The following LSAMP variants were observed in gnomAD, a reference collection of about 807,000 sequenced individuals.
The protein encoded by LSAMP is limbic system-associated membrane protein.
LSAMP carries 7 observed loss-of-function variants against 38.6 expected under a neutral mutation model. The ratio of observed to expected loss-of-function variants is 0.18; its 90% CI spans 0.10 to 0.34. The LOEUF (loss-of-function observed/expected upper bound fraction) is 0.34, where lower values mean the gene tolerates loss of function less well. Ranked by LOEUF, LSAMP falls within the 10% of genes least tolerant of loss-of-function variation. The probability of loss-of-function intolerance (pLI) is 1.00; values close to 1 mark genes in which losing one functional copy is unlikely to be tolerated. For synonymous variants in LSAMP, 154 were observed against 166.8 expected (o/e 0.92, Z 0.59); for missense variants, 313 against 420.0 (o/e 0.75, Z 2.23).
At chr3:116,225,738 A>T (rs998601254) in intron 1 of LSAMP, among the ~76,000 whole-genome samples, 1 of 147,666 alleles carries the variant, frequency 6.8e-6, no homozygotes, top group African/African-American at 2.5e-5. Context: ...ATATTTGGGT[A>T]TTTAGTATAT....
chr3:116,154,748 G>T (rs1320768123), intron 1 of LSAMP, among the ~76,000 whole-genome samples: 1 of 152,046 alleles, frequency 6.6e-6, no homozygotes, highest in African/African-American at 2.4e-5. Context: ...TAACCTCAAA[G>T]AGGTCTCCAA....
intron 1 of LSAMP, among the ~76,000 whole-genome samples, chr3:116,259,631 G>T (rs1463429457): frequency 6.6e-6 from 1 of 152,178 alleles, no homozygotes; most frequent in East Asian, 1.9e-4. Context: ...TAACTTAGAA[G>T]GCACTACATA....
intron 1 of LSAMP, among the ~76,000 whole-genome samples, chr3:116,407,437 T>C (rs1410432346): frequency 1.3e-5 from 2 of 152,068 alleles, no homozygotes; most frequent in Non-Finnish European, 1.5e-5. Flanking sequence ...TCAATAGTAG[T>C]AAGGTTTTAA....
chr3:115,967,405 G>C (rs1938853134), intron 3 of LSAMP, among the ~76,000 whole-genome samples: 1 of 152,120 alleles, frequency 6.6e-6, no homozygotes, highest in Admixed American at 6.5e-5. Flanking sequence ...TTTGGTCAAA[G>C]CCATTTGACA....
In LSAMP at chr3:116,109,096, C is replaced by G. The variant is rs561789220; in HGVS notation, c.156-22540G>C. Among the ~76,000 whole-genome samples the G allele has an allele frequency of 3.3e-5, 5 of 152,240 alleles. No homozygotes were observed. In the East Asian group the frequency reaches 7.8e-4, roughly 24 times the overall value. On this transcript the variant is annotated intron_variant, in intron 1 of 6. Transcript: ENST00000490035. Reference sequence around the variant, plus strand: ...AAAGCATCTCAGGGTTGCTGCCAAACGAGTCATGAACTGGGCTGGGTTTTT... The same window carrying G: ...AAAGCATCTCAGGGTTGCTGCCAAAGGAGTCATGAACTGGGCTGGGTTTTT...
chr3:116,233,556 T>C (rs1000503975), intron 1 of LSAMP, among the ~76,000 whole-genome samples: 1 of 151,762 alleles, frequency 6.6e-6, no homozygotes, highest in Admixed American at 6.6e-5. Flanking sequence ...CACCAAACAC[T>C]AGCTCTTATT....
At chr3:116,246,248 T>C (rs2046604050) in intron 1 of LSAMP, among the ~76,000 whole-genome samples, 1 of 152,202 alleles carries the variant, frequency 6.6e-6, no homozygotes, top group Non-Finnish European at 1.5e-5. Flanking sequence ...TTTTTCTTTC[T>C]ATGTTTTCAA....
At chr3:116,009,512 A>C (rs146699420) in intron 3 of LSAMP, among the ~76,000 whole-genome samples, 1 of 152,298 alleles carries the variant, frequency 6.6e-6, no homozygotes, top group East Asian at 1.9e-4. Flanking sequence ...AAATTCACAA[A>C]AGAGATAATT....
At chr3:116,042,955 A>T (rs1407588602) in intron 2 of LSAMP, among the ~76,000 whole-genome samples, 7 of 152,024 alleles carry the variant, frequency 4.6e-5, no homozygotes, top group Admixed American at 1.3e-4. Flanking sequence ...TCTATCCCTG[A>T]TCTGTTTGGA....
In LSAMP at chr3:115,813,170, ATAT is replaced by A. The variant is rs540640291; in HGVS notation, c.920-2759_920-2757del. Among the ~76,000 whole-genome samples the A allele has an allele frequency of 1.1e-3, 164 of 152,202 alleles. 1 individual carries two copies. The highest frequency in any genetic ancestry group is 3.7e-3 in the African/African-American group (155 of 41,552). Reference sequence around the variant, plus strand: ...ATAATCTTTAATTTTATCCTTCATAATATTATTATATACAGTCATATGCTACAT... The same window carrying A: ...ATAATCTTTAATTTTATCCTTCATAATATTATATACAGTCATATGCTACAT... On this transcript the variant is annotated intron_variant, in intron 6 of 6. Transcript: ENST00000490035.
chr3:115,851,745 T>C (rs1576147854), intron 4 of LSAMP, among the ~76,000 whole-genome samples: 1 of 152,200 alleles, frequency 6.6e-6, no homozygotes, highest in Admixed American at 6.5e-5. Context: ...GAACTTGAAT[T>C]TGAATGATGC....
intron 3 of LSAMP, among the ~76,000 whole-genome samples, chr3:115,861,843 G>A: frequency 6.9e-6 from 1 of 144,122 alleles, no homozygotes; most frequent in African/African-American, 2.7e-5. Context: ...ATTTAAATTT[G>A]TAATCTACAC....
chr3:115,901,428 A>G (rs7619207), intron 3 of LSAMP, among the ~76,000 whole-genome samples: 29,621 of 152,024 alleles, frequency 0.19, 3,215 homozygotes, highest in African/African-American at 0.29. Flanking sequence ...TCAAGTCCAG[A>G]TTACAGATAC....
At chr3:115,979,327 C>T (rs1939288958) in intron 3 of LSAMP, among the ~76,000 whole-genome samples, 2 of 151,954 alleles carry the variant, frequency 1.3e-5, no homozygotes, top group African/African-American at 2.4e-5. Flanking sequence ...GGTGAAAAGG[C>T]CCAGTCTAAG....
At chr3:116,202,051 C>T (rs2045994186) in intron 1 of LSAMP, among the ~76,000 whole-genome samples, 1 of 152,102 alleles carries the variant, frequency 6.6e-6, no homozygotes, top group South Asian at 2.1e-4. Flanking sequence ...TCCAGGTTTG[C>T]CTACTTCAGT....
intron 1 of LSAMP, among the ~76,000 whole-genome samples, chr3:116,308,454 T>C (rs1173605253): frequency 1.3e-5 from 2 of 152,026 alleles, no homozygotes; most frequent in African/African-American, 4.8e-5. Flanking sequence ...GATTAATGAA[T>C]GAATGAATGC....
intron 6 of LSAMP, among the ~76,000 whole-genome samples, chr3:115,825,695 T>C (rs1370898081): frequency 1.3e-5 from 2 of 152,230 alleles, no homozygotes; most frequent in Admixed American, 1.3e-4. Flanking sequence ...TTTATTTTTA[T>C]TTTTCTAGAA....
At chr3:116,037,105 C>G (rs942764513) in intron 2 of LSAMP, among the ~76,000 whole-genome samples, 1 of 152,088 alleles carries the variant, frequency 6.6e-6, no homozygotes. Flanking sequence ...TACTGAAATA[C>G]AAAATTATGC....
chr3:115,870,200 C>T (rs1935992753), intron 3 of LSAMP, among the ~76,000 whole-genome samples: 2 of 152,150 alleles, frequency 1.3e-5, no homozygotes, highest in South Asian at 2.1e-4. Flanking sequence ...CTATGGCCCA[C>T]AAAGCTTAAC....
Sources: allele counts gnomAD v4.1 joint callset (sites outside exome capture counted in the v4.1 genomes callset), GRCh38; gene constraint gnomAD v4.1.1; transcripts MANE v1.5; gene names NCBI Gene and HGNC (gene_info 2026-07-23, HGNC 2026-07-21).